RASSF6: variants seen among roughly 807,000 people sequenced by gnomAD.
RASSF6 encodes ras association domain-containing protein 6.
Under a neutral mutation model 44.0 loss-of-function variants are expected in RASSF6, and 52 were observed. That is an observed-to-expected ratio of 1.18 (90% confidence interval 0.95 to 1.49). The LOEUF is 1.49. RASSF6 is among the 40% of genes most tolerant of loss of function. The probability of loss-of-function intolerance (pLI) is 0.00; values close to 1 mark genes in which losing one functional copy is unlikely to be tolerated. For missense variants in RASSF6, 464 were observed against 393.3 expected, an observed-to-expected ratio of 1.18 and a Z score of -1.52; for synonymous variants, 162 against 124.6, an observed-to-expected ratio of 1.30 and a Z score of -2.00.
Position 73,616,464 on chromosome 4 carries a change from C to T in RASSF6, c.-35+3824G>A, listed in dbSNP as rs1387205337. ...TATTGCTATTTCATTTTTGTGTCTTCTAAAGTGAGTGAATATATGCAGGCA... is the reference window on the plus strand; with the variant it reads ...TATTGCTATTTCATTTTTGTGTCTTTTAAAGTGAGTGAATATATGCAGGCA... On this transcript the variant is annotated intron_variant, in intron 1 of 10. Coordinates refer to ENST00000307439, the MANE Select transcript of RASSF6 (RefSeq NM_177532.5). 4.0e-5 allele frequency among the ~76,000 whole-genome samples: 6 copies of T among 151,836 alleles called. No individual in the cohort carries two copies. In the East Asian group the frequency reaches 1.2e-3, roughly 29 times the overall value.
chr4:73,580,245 G>A (rs1321474869), intron 8 of RASSF6, among the ~76,000 whole-genome samples: 2 of 151,600 alleles, frequency 1.3e-5, no homozygotes, highest in East Asian at 3.9e-4. Context: ...GTGTATATGT[G>A]CCACATTTTC....
At chr4:73,578,958 G>A (rs982931187) in intron 8 of RASSF6, among the ~76,000 whole-genome samples, 1 of 151,774 alleles carries the variant, frequency 6.6e-6, no homozygotes, top group African/African-American at 2.4e-5. Context: ...CCCCCACCAG[G>A]TAATCTATCT....
intron 1 of RASSF6, among the ~76,000 whole-genome samples, chr4:73,617,540 C>T (rs1056135539): frequency 2.6e-5 from 4 of 152,138 alleles, no homozygotes; most frequent in African/African-American, 4.8e-5. Flanking sequence ...ACAAAGATCA[C>T]GACTCATTTT....
chr4:73,611,873 TA>T (rs753961157), intron 1 of RASSF6, 44 bp from the exon 2 acceptor site: 24 of 1,284,342 alleles, frequency 1.9e-5, no homozygotes, highest in Admixed American at 5.2e-5. Flanking sequence ...TATAATGCAT[TA>T]AAAAATTAGT....
Position 73,613,453 on chromosome 4 carries a change from C to T in RASSF6, c.-34-1624G>A, listed in dbSNP as rs1726155809. Among the ~76,000 whole-genome samples the T allele has an allele frequency of 2.6e-5, 4 of 152,270 alleles. No homozygotes were observed. The South Asian group carries it at 8.3e-4, about 32-fold the overall frequency. ...TCCAGCTTCTCAAACTTGAGTTTTG[C>T]CCCTGGATTTTGTCATTCTAATAAC... On this transcript the variant is annotated intron_variant, in intron 1 of 10. Coordinates refer to ENST00000307439, the MANE Select transcript of RASSF6 (RefSeq NM_177532.5).
chr4:73,619,513 G>A (rs1726564960), intron 1 of RASSF6, among the ~76,000 whole-genome samples: 1 of 152,134 alleles, frequency 6.6e-6, no homozygotes, highest in Admixed American at 6.5e-5. Flanking sequence ...TATTCTTAAT[G>A]CTAACAGTAG....
intron 2 of RASSF6, among the ~76,000 whole-genome samples, chr4:73,600,815 T>C (rs1725235891): frequency 6.6e-6 from 1 of 152,232 alleles, no homozygotes; most frequent in Admixed American, 6.5e-5. Context: ...ACATGTCTCT[T>C]CTAAATATCA....
At position 73,576,527 on chromosome 4, in the gene RASSF6, A is replaced by G. The variant is rs192108390; in HGVS notation, c.841-20T>C. On this transcript the variant is annotated intron_variant, in intron 9 of 10. Coordinates refer to ENST00000307439, the MANE Select transcript of RASSF6 (RefSeq NM_177532.5). ...AGCCACCTAAGAAAGAAGAAGAAGA[A>G]AAAAAAAAGAAAGCAGAACAATTAT... 437 of 1,551,430 alleles carry G rather than the reference A, an allele frequency of 2.8e-4. 1 individual carries two copies. In the African/African-American group the frequency reaches 4.5e-3, roughly 16 times the overall value.
rs1165304118 is a variant in RASSF6, at chr4:73,598,584, G to GTA, written c.144+55_144+56insTA. 13 of 818,842 alleles carry GTA rather than the reference G, an allele frequency of 1.6e-5. No homozygotes were observed. In the African/African-American group the frequency reaches 2.1e-4, roughly 13 times the overall value. The allele number at this position is 818,842 out of a possible 1,614,324, so 50.7% of individuals were successfully genotyped here. On this transcript the variant is annotated intron_variant, in intron 3 of 10. Coordinates refer to ENST00000307439, the MANE Select transcript of RASSF6 (RefSeq NM_177532.5). ...CTTCCAGAATTGTGTGTGTGTGTGTGTGCACGCATGTGTGTGTGTGAATAA... is the reference window on the plus strand; with the variant it reads ...CTTCCAGAATTGTGTGTGTGTGTGTGTATGCACGCATGTGTGTGTGTGAATAA...
chr4:73,593,349 C>G, intron 4 of RASSF6, 102 bp downstream of exon 4: 1 of 1,104,476 alleles, frequency 9.1e-7, no homozygotes. Context: ...TGTGTGTAAT[C>G]AGTTTTACAC....
chr4:73,601,243 G>T (rs1725259422), intron 2 of RASSF6, among the ~76,000 whole-genome samples: 3 of 152,224 alleles, frequency 2.0e-5, no homozygotes, highest in African/African-American at 7.2e-5. Context: ...TTGGCAGATG[G>T]TGGTCCCAGG....
At chr4:73,592,584 C>A (rs1220163391) in intron 4 of RASSF6, among the ~76,000 whole-genome samples, 1 of 152,118 alleles carries the variant, frequency 6.6e-6, no homozygotes, top group African/African-American at 2.4e-5. Flanking sequence ...TCAGCCCAAC[C>A]TGGATATCCA....
chr4:73,590,996 T>C (rs1454330039), intron 4 of RASSF6, among the ~76,000 whole-genome samples: 1 of 152,230 alleles, frequency 6.6e-6, no homozygotes, highest in African/African-American at 2.4e-5. Context: ...GCATATTACC[T>C]TGTCCACCTG....
chr4:73,576,071 T>TA lies in RASSF6; in HGVS notation c.*163dup, dbSNP rs1399915423. On this transcript the variant is annotated 3_prime_UTR_variant, in exon 11 of 11. Transcript: ENST00000307439. ...ATTTTGTCCAACTGTGAACCCTAATTAACCTCATCACTTCAAAAAGAAATG... is the reference window on the plus strand; with the variant it reads ...ATTTTGTCCAACTGTGAACCCTAATTAAACCTCATCACTTCAAAAAGAAATG... 9.7e-6 allele frequency: 5 copies of TA among 513,450 alleles called. No individual in the cohort carries two copies. Among genetic ancestry groups the TA allele is most frequent in the Non-Finnish European group, 1.7e-5 (5 of 292,488 alleles). 31.8% of individuals were successfully genotyped at this position (513,450 alleles called of 1,614,324 possible). A position where few individuals can be genotyped will look rare whatever the true frequency, so the allele number is the denominator to read the frequency against.
chr4:73,605,449 A>G (rs1725555718), intron 2 of RASSF6, among the ~76,000 whole-genome samples: 1 of 152,218 alleles, frequency 6.6e-6, no homozygotes, highest in African/African-American at 2.4e-5. Context: ...TGGAATTAAA[A>G]TTACAAGTTT....
intron 1 of RASSF6, among the ~76,000 whole-genome samples, chr4:73,615,478 T>C (rs994705279): frequency 1.3e-5 from 2 of 152,184 alleles, no homozygotes; most frequent in African/African-American, 4.8e-5. Context: ...TCTAGAAGCC[T>C]GGAGGTCTTA....
rs951938171 is a variant in RASSF6 at position 73,587,756 on chromosome 4, G to C, written c.382+84C>G. 3.9e-6 allele frequency: 3 copies of C among 776,614 alleles called. No homozygotes were observed. In the African/African-American group the frequency reaches 5.2e-5, roughly 13 times the overall value. 48.1% of individuals were successfully genotyped at this position (776,614 alleles called of 1,614,324 possible). On this transcript the variant is annotated intron_variant, in intron 5 of 10. Coordinates refer to ENST00000307439, the MANE Select transcript of RASSF6 (RefSeq NM_177532.5). ...TTTATTGTGTAGTAGTATGAAAAAG[G>C]TTAGATTTCAGAGAAACATATGGAG...
chr4:73,593,442 A>T lies in RASSF6; in HGVS notation c.287+9T>A, dbSNP rs200385788. On this transcript the variant is annotated intron_variant, in intron 4 of 10. Transcript: ENST00000307439. ...TTCTGAGGAATTAAAAACATGAAAG[A>T]TAGCTTACCCTTTGCTGGAGAAGAC... The T allele has an allele frequency of 1.8e-5, 29 of 1,591,012 alleles. No individual in the cohort carries two copies. The highest frequency in any genetic ancestry group is 2.5e-5 in the Non-Finnish European group (29 of 1,172,306).
At chr4:73,588,002 T>G (rs116445245) in intron 4 of RASSF6, 68 bp from the exon 5 acceptor site, 16,783 of 1,025,314 alleles carry the variant, frequency 0.016, 176 homozygotes, top group Non-Finnish European at 0.021. Flanking sequence ...GGTTTCCAGA[T>G]TTACAATATT....
Sources: gnomAD v4.1 joint callset for allele counts (sites outside exome capture counted in the v4.1 genomes callset) on GRCh38, gnomAD v4.1.1 for gene constraint, MANE v1.5 for transcripts, NCBI Gene and HGNC (gene_info 2026-07-23, HGNC 2026-07-21) for gene names.